MCPH1: variants seen among roughly 807,000 people sequenced by gnomAD.
MCPH1 encodes the protein microcephalin.
In MCPH1, 104 loss-of-function variants were observed where a neutral mutation model predicts 84.5. The observed-to-expected ratio is 1.23, with a 90% CI of 1.05 to 1.45. The LOEUF (loss-of-function observed/expected upper bound fraction) is 1.45, where lower values mean the gene tolerates loss of function less well. Among genes scored for constraint, MCPH1 ranks in the 40% most tolerant of loss-of-function variants. The probability of loss-of-function intolerance (pLI) is 0.00; values close to 1 mark genes in which losing one functional copy is unlikely to be tolerated. For synonymous variants in MCPH1, 514 were observed against 366.8 expected, an observed-to-expected ratio of 1.40 and a Z score of -4.58; for missense variants, 1,498 against 1,005.7, an observed-to-expected ratio of 1.49 and a Z score of -6.62.
At chr8:6,593,283 A>G (rs748822597) in intron 12 of MCPH1, among the ~76,000 whole-genome samples, 1 of 151,806 alleles carries the variant, frequency 6.6e-6, no homozygotes, top group Non-Finnish European at 1.5e-5. Context: ...GGATTTCTCC[A>G]TGTTAGTCAG....
At chr8:6,548,785 G>A (rs140429562) in intron 12 of MCPH1, among the ~76,000 whole-genome samples, 83 of 152,326 alleles carry the variant, frequency 5.4e-4, no homozygotes, top group African/African-American at 1.9e-3. Context: ...GTGCTATCAG[G>A]GAGGGAGGGA....
At chr8:6,426,969 TTTG>T (rs774388067) in intron 3 of MCPH1, among the ~76,000 whole-genome samples, 3 of 152,178 alleles carry the variant, frequency 2.0e-5, no homozygotes, top group Admixed American at 1.3e-4. Context: ...AATAGGTGAT[TTTG>T]TTGTTGTGGA....
chr8:6,446,069 T>C, intron 8 of MCPH1: 1 of 979,952 alleles, frequency 1.0e-6, no homozygotes, highest in Non-Finnish European at 1.2e-6. Context: ...GTGTTAACTA[T>C]GAAGAAACAT....
chr8:6,428,354 C>T (rs1294256343), intron 3 of MCPH1, among the ~76,000 whole-genome samples: 1 of 152,160 alleles, frequency 6.6e-6, no homozygotes, highest in Non-Finnish European at 1.5e-5. Flanking sequence ...AATTTTTCAG[C>T]TCCATTATAA....
intron 5 of MCPH1, among the ~76,000 whole-genome samples, chr8:6,436,684 T>A (rs568216751): frequency 6.6e-6 from 1 of 151,342 alleles, no homozygotes; most frequent in South Asian, 2.1e-4. Context: ...ATAAGAATAT[T>A]ATGGGCTGGG....
rs771167593 is a variant in MCPH1, at chr8:6,414,903, CT to C, written c.233+27del. 12 of 1,609,448 alleles carry C rather than the reference CT, an allele frequency of 7.5e-6. No homozygotes were observed. Among genetic ancestry groups the C allele is most frequent in the South Asian group, 4.4e-5 (4 of 90,874 alleles). ...GGAAAAGTAAGCAGTTTCTCTCTTACTTTTTTTCCTTAAGTATCTAGTATTG... is the reference window on the plus strand; with the variant it reads ...GGAAAAGTAAGCAGTTTCTCTCTTACTTTTTTCCTTAAGTATCTAGTATTG... On this transcript the variant is annotated intron_variant, in intron 3 of 13. Coordinates refer to ENST00000344683, the MANE Select transcript of MCPH1 (RefSeq NM_024596.5).
chr8:6,435,957 T>C lies in MCPH1; in HGVS notation c.322-91T>C, dbSNP rs183631268. On this transcript the variant is annotated intron_variant, in intron 4 of 13. Coordinates refer to ENST00000344683, the MANE Select transcript of MCPH1 (RefSeq NM_024596.5). ...TTAGAATTTTTTATTACTGATGTTA[T>C]AAAAGGTATCAGAAATGTATGCGAA... 8.7e-4 allele frequency: 1,282 copies of C among 1,477,884 alleles called. 4 individuals are homozygous for C. The highest frequency in any genetic ancestry group is 3.2e-3 in the Middle Eastern group (18 of 5,548). The allele number at this position is 1,477,884 out of a possible 1,614,324, so 91.5% of individuals were successfully genotyped here. A position where few individuals can be genotyped will look rare whatever the true frequency, so the allele number is the denominator to read the frequency against.
chr8:6,640,182 C>G (rs886854051), intron 13 of MCPH1, among the ~76,000 whole-genome samples: 9 of 151,440 alleles, frequency 5.9e-5, no homozygotes, highest in Admixed American at 4.6e-4. Flanking sequence ...TTTTCTTGAG[C>G]TGGAATTATT....
chr8:6,573,432 C>G (rs1291822303), intron 12 of MCPH1, among the ~76,000 whole-genome samples: 1 of 152,102 alleles, frequency 6.6e-6, no homozygotes, highest in African/African-American at 2.4e-5. Flanking sequence ...TGGGATTGGT[C>G]TGGTACTGGG....
intron 13 of MCPH1, among the ~76,000 whole-genome samples, chr8:6,632,114 A>G (rs925112425): frequency 2.0e-5 from 3 of 152,232 alleles, no homozygotes; most frequent in Non-Finnish European, 4.4e-5. Flanking sequence ...CTACACTTAT[A>G]AGAGGAACTT....
At position 6,409,271 on chromosome 8, in the gene MCPH1, G is replaced by C. The variant is rs1164449977; in HGVS notation, c.23-8G>C. ...AATGTATGTTTCATGTTCATATCTTGTTTTCAGATGTAGTGGCCTATGTTG... is the reference window on the plus strand; with the variant it reads ...AATGTATGTTTCATGTTCATATCTTCTTTTCAGATGTAGTGGCCTATGTTG... On this transcript the variant is annotated splice_polypyrimidine_tract_variant and splice_region_variant and intron_variant, in intron 1 of 13. Transcript: ENST00000344683. 7 of 1,605,780 alleles carry C rather than the reference G, an allele frequency of 4.4e-6. No individual in the cohort carries two copies. The South Asian group carries it at 7.7e-5, about 18-fold the overall frequency.
intron 3 of MCPH1, among the ~76,000 whole-genome samples, chr8:6,428,546 C>T (rs1299274095): frequency 6.6e-6 from 1 of 152,238 alleles, no homozygotes; most frequent in Admixed American, 6.5e-5. Context: ...AAGGCAGCCT[C>T]TAGTAGTCTA....
chr8:6,446,196 T>C, intron 8 of MCPH1: 1 of 899,642 alleles, frequency 1.1e-6, no homozygotes, highest in Non-Finnish European at 1.3e-6. Flanking sequence ...TAATAAACCA[T>C]ATCATTTTAT....
intron 13 of MCPH1, chr8:6,625,832 T>C (rs1281371492): frequency 1.0e-6 from 1 of 985,438 alleles, no homozygotes; most frequent in Non-Finnish European, 1.2e-6. Context: ...ATATTGTTTC[T>C]GTATCTTAAC....
chr8:6,473,913 C>T lies in MCPH1; in HGVS notation c.1936-3681C>T. 5.2e-6 allele frequency: 8 copies of T among 1,548,370 alleles called. No homozygotes were observed. The East Asian group carries it at 1.6e-4, about 31-fold the overall frequency. Reference sequence around the variant, plus strand: ...TGATCTACATTATTTTCTAGCTCTTCTGGTTTATTGCTGGGCAGCCGATGC... The same window carrying T: ...TGATCTACATTATTTTCTAGCTCTTTTGGTTTATTGCTGGGCAGCCGATGC... On this transcript the variant is annotated intron_variant, in intron 9 of 13. Transcript: ENST00000344683.
intron 12 of MCPH1, among the ~76,000 whole-genome samples, chr8:6,520,778 G>C (rs1182105626): frequency 6.6e-6 from 1 of 152,184 alleles, no homozygotes; most frequent in African/African-American, 2.4e-5. Context: ...GGCAAGATAA[G>C]GGAACTAGCA....
At chr8:6,609,293 G>GCATC (rs1830041359) in intron 12 of MCPH1, among the ~76,000 whole-genome samples, 1 of 152,068 alleles carries the variant, frequency 6.6e-6, no homozygotes, top group African/African-American at 2.4e-5. Flanking sequence ...CCCAGAGCAT[G>GCATC]AGCGTGTGCC....
At chr8:6,578,995 G>T (rs985698279) in intron 12 of MCPH1, among the ~76,000 whole-genome samples, 2 of 152,226 alleles carry the variant, frequency 1.3e-5, no homozygotes, top group African/African-American at 4.8e-5. Flanking sequence ...CAGTGGAGCT[G>T]CATGATCTGG....
chr8:6,470,019 A>G (rs1274795904), intron 9 of MCPH1, among the ~76,000 whole-genome samples: 1 of 152,232 alleles, frequency 6.6e-6, no homozygotes, highest in African/African-American at 2.4e-5. Flanking sequence ...CTGTTAAGGA[A>G]AAGAATCCTG....
Sources: gnomAD v4.1 joint callset for allele counts (sites outside exome capture counted in the v4.1 genomes callset) on GRCh38, gnomAD v4.1.1 for gene constraint, MANE v1.5 for transcripts, NCBI Gene and HGNC (gene_info 2026-07-23, HGNC 2026-07-21) for gene names.